Variants in CADPS2 observed in about 807,000 individuals in gnomAD.
The protein encoded by CADPS2 is calcium dependent secretion activator 2, also known as calcium-dependent secretion activator 2.
A neutral mutation model predicts 172.5 loss-of-function variants in CADPS2; 93 were observed. The observed-to-expected ratio is 0.54, with a 90% CI of 0.46 to 0.64. CADPS2 has a LOEUF of 0.64. Ranked by LOEUF, CADPS2 falls within the 30% of genes least tolerant of loss-of-function variation. The pLI is 0.00. For synonymous variants in CADPS2, 546 were observed against 555.2 expected, an observed-to-expected ratio of 0.98 and a Z score of 0.23; for missense variants, 1,420 against 1,565.9, an observed-to-expected ratio of 0.91 and a Z score of 1.57.
intron 1 of CADPS2, among the ~76,000 whole-genome samples, chr7:122,815,145 A>T (rs1584560025): frequency 6.6e-6 from 1 of 152,170 alleles, no homozygotes; most frequent in African/African-American, 2.4e-5. Flanking sequence ...ACATAGCTAC[A>T]ATAAAGAAAG....
chr7:122,828,125 G>C (rs1805484905), intron 1 of CADPS2, among the ~76,000 whole-genome samples: 1 of 152,074 alleles, frequency 6.6e-6, no homozygotes, highest in African/African-American at 2.4e-5. Context: ...TCATGTCTCT[G>C]TGGTAGGTTT....
intron 2 of CADPS2, among the ~76,000 whole-genome samples, chr7:122,667,225 G>C (rs537418001): frequency 6.6e-6 from 1 of 152,286 alleles, no homozygotes; most frequent in East Asian, 1.9e-4. Flanking sequence ...AGTAATGTAT[G>C]TATAGTTTGA....
chr7:122,375,040 T>C, intron 25 of CADPS2, among the ~76,000 whole-genome samples: 1 of 152,062 alleles, frequency 6.6e-6, no homozygotes, highest in East Asian at 1.9e-4. Context: ...ACTGAAGACA[T>C]TAAAGCAGAC....
chr7:122,322,503 C>T (rs1376045134), intron 29 of CADPS2, among the ~76,000 whole-genome samples: 1 of 152,302 alleles, frequency 6.6e-6, no homozygotes, highest in South Asian at 2.1e-4. Flanking sequence ...GTTTGGTTGG[C>T]TCTTGCTTAA....
In CADPS2 at chr7:122,405,536, G is replaced by A. The variant is rs547679977; in HGVS notation, c.2746+2004C>T. ...AAATTAGCTGGGTGTGGTGGTGCAC[G>A]CCTGTAATCCCAGCTACTTGGGAGG... On this transcript the variant is annotated intron_variant, in intron 20 of 29. Coordinates refer to ENST00000449022, the MANE Select transcript of CADPS2 (RefSeq NM_017954.11). Among the ~76,000 whole-genome samples the A allele has an allele frequency of 3.3e-5, 5 of 152,188 alleles. No individual in the cohort carries two copies. In the East Asian group the frequency reaches 7.7e-4, roughly 24 times the overall value.
intron 2 of CADPS2, among the ~76,000 whole-genome samples, chr7:122,731,558 A>G (rs2137532869): frequency 6.6e-6 from 1 of 151,882 alleles, no homozygotes; most frequent in Non-Finnish European, 1.5e-5. Flanking sequence ...ATTGAAAAAT[A>G]GACCAAAACC....
chr7:122,660,803 G>C (rs540732687), intron 3 of CADPS2, among the ~76,000 whole-genome samples: 5 of 152,142 alleles, frequency 3.3e-5, no homozygotes, highest in African/African-American at 1.2e-4. Context: ...CCAGCTACTT[G>C]GGAGGCTGAG....
At chr7:122,522,338 C>T (rs1435948645) in intron 8 of CADPS2, among the ~76,000 whole-genome samples, 2 of 152,006 alleles carry the variant, frequency 1.3e-5, no homozygotes, top group African/African-American at 4.8e-5. Flanking sequence ...TGGTCTGGAA[C>T]TCCTGAGCTC....
intron 19 of CADPS2, among the ~76,000 whole-genome samples, chr7:122,412,046 G>C (rs530697937): frequency 7.2e-5 from 11 of 152,302 alleles, no homozygotes; most frequent in African/African-American, 2.4e-4. Flanking sequence ...TCATGCTCAT[G>C]CAATTGGTTT....
chr7:122,698,778 A>T, intron 2 of CADPS2: 2 of 1,613,894 alleles, frequency 1.2e-6, no homozygotes, highest in East Asian at 2.2e-5. Context: ...GATTCCCAAC[A>T]TGAAATGATA....
chr7:122,436,552 A>G (rs2050667989), intron 17 of CADPS2, among the ~76,000 whole-genome samples: 1 of 151,916 alleles, frequency 6.6e-6, no homozygotes, highest in Non-Finnish European at 1.5e-5. Context: ...GGGGAGAGGG[A>G]GATGATGAAA....
chr7:122,589,971 A>G (rs1286637813), intron 6 of CADPS2, among the ~76,000 whole-genome samples: 1 of 151,918 alleles, frequency 6.6e-6, no homozygotes, highest in African/African-American at 2.4e-5. Flanking sequence ...TGAAAAATGC[A>G]TGCAATCACG....
chr7:122,789,383 A>G (rs1794776285), intron 1 of CADPS2, among the ~76,000 whole-genome samples: 1 of 152,198 alleles, frequency 6.6e-6, no homozygotes, highest in Admixed American at 6.5e-5. Flanking sequence ...AGGCCCAGTA[A>G]TTAGTAGTAA....
At chr7:122,839,846 T>C (rs1266896815) in intron 1 of CADPS2, among the ~76,000 whole-genome samples, 4 of 152,266 alleles carry the variant, frequency 2.6e-5, no homozygotes, top group Admixed American at 6.5e-5. Context: ...TGTAAACTGG[T>C]TCAACCATTG....
At chr7:122,778,758 G>A (rs2093958803) in intron 1 of CADPS2, among the ~76,000 whole-genome samples, 2 of 152,226 alleles carry the variant, frequency 1.3e-5, no homozygotes. Flanking sequence ...ATTGAGGTTT[G>A]GGACTTTTGA....
chr7:122,636,894 C>T (rs1335777533), intron 3 of CADPS2, among the ~76,000 whole-genome samples: 1 of 152,058 alleles, frequency 6.6e-6, no homozygotes, highest in Admixed American at 6.6e-5. Flanking sequence ...ACGTCCAACT[C>T]TCTAGTGAGA....
At chr7:122,841,519 A>T (rs1810491647) in intron 1 of CADPS2, among the ~76,000 whole-genome samples, 1 of 152,236 alleles carries the variant, frequency 6.6e-6, no homozygotes, top group Admixed American at 6.5e-5. Context: ...TATAGTAGTG[A>T]TAAATTTTAA....
intron 1 of CADPS2, among the ~76,000 whole-genome samples, chr7:122,789,572 T>A (rs1210968258): frequency 6.6e-6 from 1 of 152,142 alleles, no homozygotes; most frequent in Non-Finnish European, 1.5e-5. Context: ...AAATACAAAT[T>A]TTCCCCCTAC....
intron 25 of CADPS2, among the ~76,000 whole-genome samples, chr7:122,370,990 GC>G: frequency 6.6e-6 from 1 of 152,160 alleles, no homozygotes; most frequent in South Asian, 2.1e-4. Flanking sequence ...AGAATAAAGG[GC>G]CCCAGGACAG....
Sources: gnomAD v4.1 joint callset for allele counts (sites outside exome capture counted in the v4.1 genomes callset) on GRCh38, gnomAD v4.1.1 for gene constraint, MANE v1.5 for transcripts, NCBI Gene and HGNC (gene_info 2026-07-23, HGNC 2026-07-21) for gene names.